GRIN2B: variants seen among roughly 807,000 people sequenced by gnomAD.
The protein encoded by GRIN2B is glutamate receptor ionotropic, NMDA 2B.
In GRIN2B, 5 loss-of-function variants were observed where a neutral mutation model predicts 114.5. The ratio of observed to expected loss-of-function variants is 0.04; its 90% CI spans 0.02 to 0.09. The LOEUF (loss-of-function observed/expected upper bound fraction) is 0.09. Ranked by LOEUF, GRIN2B falls within the 10% of genes least tolerant of loss-of-function variation. GRIN2B has a pLI of 1.00. For missense variants in GRIN2B, 1,108 were observed against 1,943.5 expected, an observed-to-expected ratio of 0.57 and a Z score of 8.08; for synonymous variants, 787 against 745.1, an observed-to-expected ratio of 1.06 and a Z score of -0.92.
Position 13,564,551 on chromosome 12 carries a change from G to C in GRIN2B, c.2687C>G (p.Ser896Cys). ...SPTATMNNTH[S>C]NILRLLRTAK... ...CGTGCGCAGCAGGCGCAGGATGTTG[G>C]AGTGTGTGTTGTTCATGGTTGCGGT... The change falls in exon 14 of 14, where the codon TCC (serine) becomes TGC (cysteine). Residue 896 changes from serine (S) to cysteine (C), a missense_variant. Ser to Cys is a moderately radical substitution (Grantham distance 112). This residue lies in a region of GRIN2B where 27 missense variants were observed against 51.7 expected (regional missense o/e 0.52). Transcript: ENST00000609686. The surrounding 1 kb of genome is among the most constrained non-coding windows in gnomAD (Gnocchi z 4.8). 1.2e-6 allele frequency: 2 copies of C among 1,614,190 alleles called. No homozygotes were observed. Among genetic ancestry groups the C allele is most frequent in the Non-Finnish European group, 1.7e-6 (2 of 1,180,026 alleles).
intron 10 of GRIN2B, among the ~76,000 whole-genome samples, chr12:13,605,041 A>G (rs557329298): frequency 6.6e-6 from 1 of 151,124 alleles, no homozygotes; most frequent in Admixed American, 6.6e-5. Flanking sequence ...TTAAGTAAAT[A>G]CAACCTCTCT....
intron 10 of GRIN2B, among the ~76,000 whole-genome samples, chr12:13,589,912 GC>G (rs1276211002): frequency 6.6e-6 from 1 of 152,098 alleles, no homozygotes; most frequent in Non-Finnish European, 1.5e-5. Flanking sequence ...ATGGCAAGGG[GC>G]CTTCAGAGAG....
At chr12:13,622,239 T>G (rs777077170) in intron 5 of GRIN2B, among the ~76,000 whole-genome samples, 1 of 152,222 alleles carries the variant, frequency 6.6e-6, no homozygotes, top group Non-Finnish European at 1.5e-5. Context: ...GGATGTAACA[T>G]GAAACACTTG....
intron 2 of GRIN2B, among the ~76,000 whole-genome samples, chr12:13,870,810 A>G (rs755512451): frequency 1.9e-4 from 29 of 152,212 alleles, no homozygotes; most frequent in Non-Finnish European, 1.0e-4. Context: ...CAGAAAGTTA[A>G]GAGACATAGG....
At chr12:13,566,661 T>C (rs1948645034) in intron 13 of GRIN2B, among the ~76,000 whole-genome samples, 1 of 152,240 alleles carries the variant, frequency 6.6e-6, no homozygotes, top group South Asian at 2.1e-4. Flanking sequence ...ATTATTTAAA[T>C]AGAAATGTAC....
chr12:13,645,611 C>T (rs191112321), intron 5 of GRIN2B, among the ~76,000 whole-genome samples: 291 of 152,074 alleles, frequency 1.9e-3, no homozygotes, highest in Middle Eastern at 0.01. Flanking sequence ...CACAATAAAA[C>T]CAGGTGTGCC....
At chr12:13,597,807 C>A (rs1328652215) in intron 10 of GRIN2B, among the ~76,000 whole-genome samples, 1 of 152,192 alleles carries the variant, frequency 6.6e-6, no homozygotes, top group Non-Finnish European at 1.5e-5. Flanking sequence ...CTGGTCAAGA[C>A]CCTCCATCGG....
intron 2 of GRIN2B, among the ~76,000 whole-genome samples, chr12:13,930,156 C>G (rs1284439866): frequency 6.6e-6 from 1 of 152,014 alleles, no homozygotes; most frequent in East Asian, 1.9e-4. Context: ...TGCACTCCAG[C>G]CTGGGCAACA....
chr12:13,920,169 CAGG>C lies in GRIN2B; in HGVS notation c.-18-53946_-18-53944del, dbSNP rs369173515. Among the ~76,000 whole-genome samples, 152 of 149,196 alleles carry C rather than the reference CAGG, an allele frequency of 1.0e-3. 3 individuals are homozygous for C. In the South Asian group the frequency reaches 0.027, roughly 26 times the overall value. ...ATCCCAACTACTCAGGAGGCTGAGG[CAGG>C]AGGATCGCTTGAGCCCAGGAGTTTG... On this transcript the variant is annotated intron_variant, in intron 2 of 13. Transcript: ENST00000609686.
rs189301367 is a variant in GRIN2B, at chr12:13,689,046, C to T, written c.1011-13187G>A. 3.9e-4 allele frequency among the ~76,000 whole-genome samples: 60 copies of T among 152,210 alleles called. No homozygotes were observed. In the East Asian group the frequency reaches 7.3e-3, roughly 19 times the overall value. ...TTTACTGGATGCCTTTATCTTTTCT[C>T]TTATTTTACTTTTTAAAGGAAATTC... On this transcript the variant is annotated intron_variant, in intron 4 of 13. Transcript: ENST00000609686.
intron 2 of GRIN2B, among the ~76,000 whole-genome samples, chr12:13,903,044 TATA>T (rs1866480434): frequency 6.6e-6 from 1 of 152,170 alleles, no homozygotes; most frequent in Non-Finnish European, 1.5e-5. Context: ...CATAAAATTT[TATA>T]ATGATTTCTT....
chr12:13,949,563 G>A (rs1232421817), intron 2 of GRIN2B, among the ~76,000 whole-genome samples: 1 of 152,114 alleles, frequency 6.6e-6, no homozygotes, highest in Non-Finnish European at 1.5e-5. Context: ...AACTGTGAGG[G>A]ACTCTATGGC....
chr12:13,844,970 T>G (rs1865444508), intron 3 of GRIN2B, among the ~76,000 whole-genome samples: 1 of 152,218 alleles, frequency 6.6e-6, no homozygotes, highest in South Asian at 2.1e-4. Flanking sequence ...CTCCCTGCTT[T>G]TCCAGTATGA....
intron 3 of GRIN2B, among the ~76,000 whole-genome samples, chr12:13,858,962 G>GA (rs1425778777): frequency 1.3e-5 from 2 of 152,150 alleles, no homozygotes; most frequent in African/African-American, 4.8e-5. Flanking sequence ...CTGTTAATAG[G>GA]AAAAATTAGA....
At chr12:13,574,007 T>C (rs1459401432) in intron 10 of GRIN2B, among the ~76,000 whole-genome samples, 8 of 152,210 alleles carry the variant, frequency 5.3e-5, no homozygotes, top group Admixed American at 5.2e-4. Context: ...GGGTTATAAT[T>C]TTTAAGTGGA....
chr12:13,892,553 G>A (rs554260375), intron 2 of GRIN2B, among the ~76,000 whole-genome samples: 2 of 152,296 alleles, frequency 1.3e-5, no homozygotes, highest in East Asian at 1.9e-4. Flanking sequence ...ACAGGGCGCA[G>A]GCCAGAATGA....
chr12:13,616,801 CT>C (rs1307859867), intron 5 of GRIN2B, 144 bp from the exon 6 acceptor site: 11 of 714,254 alleles, frequency 1.5e-5, no homozygotes, highest in Non-Finnish European at 2.3e-5. Flanking sequence ...GATAGGAATA[CT>C]TTTTAAATCA....
At chr12:13,596,997 G>A (rs889191522) in intron 10 of GRIN2B, among the ~76,000 whole-genome samples, 1 of 152,226 alleles carries the variant, frequency 6.6e-6, no homozygotes, top group Non-Finnish European at 1.5e-5. Context: ...CAGGGCTCTG[G>A]TAGGCAGTAT....
intron 2 of GRIN2B, among the ~76,000 whole-genome samples, chr12:13,868,561 G>T (rs193012645): frequency 1.3e-5 from 2 of 152,180 alleles, no homozygotes; most frequent in East Asian, 3.9e-4. Context: ...TCATTCCAAT[G>T]GTATTCTAAT....
Sources: gnomAD v4.1 joint callset for allele counts (sites outside exome capture counted in the v4.1 genomes callset) on GRCh38, gnomAD v4.1.1 for gene constraint, gnomAD v4.1.1 regional missense constraint, Gnocchi (gnomAD v3.1) non-coding constraint, MANE v1.5 for transcripts, NCBI Gene and HGNC (gene_info 2026-07-23, HGNC 2026-07-21) for gene names.